Variants in SEC31A observed in about 807,000 individuals in gnomAD.
SEC31A encodes SEC31 homolog A, COPII component.
SEC31A carries 70 observed loss-of-function variants against 151.0 expected under a neutral mutation model. That is an observed-to-expected ratio of 0.46 (90% CI 0.38 to 0.57). The LOEUF is 0.57. Ranked by LOEUF, SEC31A falls within the 20% of genes least tolerant of loss-of-function variation. The pLI is 0.00. For missense variants in SEC31A, 1,330 were observed against 1,471.2 expected (o/e 0.90, Z 1.57); for synonymous variants, 475 against 505.9 (o/e 0.94, Z 0.82).
At position 82,848,931 on chromosome 4, in the gene SEC31A, T is replaced by C. The variant is rs1219646425; in HGVS notation, c.2375A>G (p.Glu792Gly). ...LRDRLCRAQGEPVAGHESPKI... is the reference protein window; with the variant it reads ...LRDRLCRAQGGPVAGHESPKI... ...AGGTGATTCATGTCCTGCTACAGGCTCTCCTTGTGCTCTACAAAGTCTGTC... is the reference window on the plus strand; with the variant it reads ...AGGTGATTCATGTCCTGCTACAGGCCCTCCTTGTGCTCTACAAAGTCTGTC... The change falls in exon 20 of 27, where the codon GAG (glutamate) becomes GGG (glycine). Residue 792 changes from glutamate (E) to glycine (G), a missense_variant. By Grantham distance (98) the Glu-to-Gly change is moderately conservative. Coordinates refer to ENST00000395310, the MANE Select transcript of SEC31A (RefSeq NM_001077207.4). The C allele has an allele frequency of 6.2e-7, 1 of 1,614,016 alleles. No homozygotes were observed. Among genetic ancestry groups the C allele is most frequent in the Non-Finnish European group, 8.5e-7 (1 of 1,180,036 alleles).
In SEC31A at chr4:82,878,802, G is replaced by T; in HGVS notation, c.330C>A (p.Asp110Glu). Residue 110 changes from aspartate (D) to glutamate (E), a missense_variant, in exon 4 of 27, where the codon GAC becomes GAA. By Grantham distance (45) the Asp-to-Glu change is conservative. Coordinates refer to ENST00000395310, the MANE Select transcript of SEC31A (RefSeq NM_001077207.4). ...LYDPSKIIAG[D>E]KEVVIAQNDK... ...CATTCTGGGCAATCACAACTTCCTT[G>T]TCTCCAGCTATAATTTTAGAAGGAT... is the stretch of plus-strand genomic sequence containing the variant. The T allele has an allele frequency of 6.2e-7, 1 of 1,613,944 alleles. No homozygotes were observed.
At chr4:82,877,263 T>C (rs1373892430) in intron 4 of SEC31A, among the ~76,000 whole-genome samples, 2 of 152,000 alleles carry the variant, frequency 1.3e-5, no homozygotes, top group Non-Finnish European at 2.9e-5. Flanking sequence ...AATAAACAAG[T>C]TGGGTTTCTG....
At chr4:82,855,135 A>G in intron 16 of SEC31A, 106 bp from the exon 17 acceptor site, 1 of 928,138 alleles carries the variant, frequency 1.1e-6, no homozygotes, top group Non-Finnish European at 1.5e-6. Flanking sequence ...ATGCAGCAGC[A>G]AAATGAAGTA....
chr4:82,888,679 G>GCT (rs1201712393), intron 1 of SEC31A, among the ~76,000 whole-genome samples: 1 of 148,242 alleles, frequency 6.7e-6, no homozygotes, highest in Non-Finnish European at 1.5e-5. Context: ...ACAGAGCGAG[G>GCT]CTCTGCCTCA....
chr4:82,856,946 A>G lies in SEC31A; in HGVS notation c.1881+6T>C, dbSNP rs778605032. 2.5e-6 allele frequency: 4 copies of G among 1,603,616 alleles called. No individual in the cohort carries two copies. In the Admixed American group the frequency reaches 7.0e-5, roughly 28 times the overall value. ...TACGTTATTGCTTATTTTTAAAATA[A>G]CATACCCTGGTAATTTTGCTTTGGG... On this transcript the variant is annotated splice_donor_region_variant and intron_variant, in intron 16 of 26. Coordinates refer to ENST00000395310, the MANE Select transcript of SEC31A (RefSeq NM_001077207.4).
chr4:82,855,794 T>G (rs1732499987), intron 16 of SEC31A, among the ~76,000 whole-genome samples: 1 of 151,636 alleles, frequency 6.6e-6, no homozygotes, highest in Admixed American at 6.6e-5. Context: ...TATTGGAGGG[T>G]GGGAGGAGAG....
intron 1 of SEC31A, among the ~76,000 whole-genome samples, chr4:82,890,009 C>T (rs1369009852): frequency 6.6e-6 from 1 of 152,062 alleles, no homozygotes; most frequent in Admixed American, 6.6e-5. Flanking sequence ...GGGCGGATCA[C>T]TTGAGGTCAG....
chr4:82,819,119 T>A lies in SEC31A; in HGVS notation c.3618A>T (p.Pro1206=). 2 of 1,612,170 alleles carry A rather than the reference T, an allele frequency of 1.2e-6. No individual in the cohort carries two copies. Among genetic ancestry groups the A allele is most frequent in the Non-Finnish European group, 1.7e-6 (2 of 1,179,088 alleles). Residue 1206 remains proline, a synonymous_variant, in exon 27 of 27, where the codon CCA becomes CCT. Coordinates refer to ENST00000395310, the MANE Select transcript of SEC31A (RefSeq NM_001077207.4). ...SNFSETSAFM[P]VLKVVLTQAN... ...CCTGGGTGAGAACAACTTTGAGAAC[T>A]GGCATGAAAGCAGAGGTCTCACTGA...
At chr4:82,865,700 G>A (rs560758700) in intron 10 of SEC31A, among the ~76,000 whole-genome samples, 1 of 151,954 alleles carries the variant, frequency 6.6e-6, no homozygotes, top group Non-Finnish European at 1.5e-5. Flanking sequence ...GACAAGTACT[G>A]CATGATTCCA....
chr4:82,862,733 G>A (rs1227209956), intron 12 of SEC31A, among the ~76,000 whole-genome samples, 161 bp from the exon 13 acceptor site: 3 of 152,202 alleles, frequency 2.0e-5, no homozygotes, highest in African/African-American at 7.2e-5. Flanking sequence ...GGTTCTCCAT[G>A]GTGCTAGCTT....
At chr4:82,830,727 A>G (rs1258000538) in intron 22 of SEC31A, among the ~76,000 whole-genome samples, 1 of 152,262 alleles carries the variant, frequency 6.6e-6, no homozygotes, top group Admixed American at 6.5e-5. Flanking sequence ...TAAAACAGAC[A>G]GCCTTTATAA....
chr4:82,828,146 C>A (rs1192257173), intron 23 of SEC31A, among the ~76,000 whole-genome samples: 1 of 152,174 alleles, frequency 6.6e-6, no homozygotes. Context: ...AACTCCTGAC[C>A]TTGTGATCTG....
intron 10 of SEC31A, among the ~76,000 whole-genome samples, 189 bp from the exon 11 acceptor site, chr4:82,864,787 T>C (rs1734948422): frequency 6.6e-6 from 1 of 152,048 alleles, no homozygotes; most frequent in African/African-American, 2.4e-5. Context: ...GGTTTTTTTT[T>C]TTTTGAGACA....
In SEC31A at chr4:82,891,115, C is replaced by A; in HGVS notation, c.-32G>T. On this transcript the variant is annotated 5_prime_UTR_variant, in exon 1 of 27. In the 5' UTR this introduces an upstream ATG that the reference lacks. Transcript: ENST00000395310. ...GGCGAGGACCTTCGGCAGCCGGATCCTGCGTTAGTGCAGCGCTCGTCGGAC... is the reference window on the plus strand; with the variant it reads ...GGCGAGGACCTTCGGCAGCCGGATCATGCGTTAGTGCAGCGCTCGTCGGAC... 2 of 1,535,998 alleles carry A rather than the reference C, an allele frequency of 1.3e-6. No individual in the cohort carries two copies. The highest frequency in any genetic ancestry group is 1.7e-6 in the Non-Finnish European group (2 of 1,146,784).
At chr4:82,881,502 A>G (rs147428359) in intron 2 of SEC31A, among the ~76,000 whole-genome samples, 82 of 152,170 alleles carry the variant, frequency 5.4e-4, no homozygotes, top group Admixed American at 9.8e-4. Context: ...ATATCTGCTT[A>G]TAGACATATA....
At chr4:82,823,846 G>A (rs933361167) in intron 25 of SEC31A, among the ~76,000 whole-genome samples, 3 of 152,206 alleles carry the variant, frequency 2.0e-5, no homozygotes, top group Non-Finnish European at 4.4e-5. Flanking sequence ...GCACCATTAT[G>A]CTCCATTTAT....
intron 11 of SEC31A, among the ~76,000 whole-genome samples, chr4:82,863,670 T>A (rs1479111198): frequency 6.6e-6 from 1 of 152,118 alleles, no homozygotes; most frequent in Non-Finnish European, 1.5e-5. Context: ...CCTGGTTGAA[T>A]AAAGCTTACT....
upstream of SEC31A, chr4:82,892,865 G>A (rs1020748): frequency 0.68 from 103,383 of 151,976 alleles, 37,515 homozygotes; most frequent in Non-Finnish European, 0.8. Context: ...GTGGTCACTG[G>A]TATTTATGCA....
At chr4:82,891,330 C>CG (rs1719732351), upstream of SEC31A, 1 of 743,300 alleles carries the variant, frequency 1.3e-6, no homozygotes, top group Admixed American at 2.7e-5. Context: ...AGGCGGGGTA[C>CG]GGCTCCGCTG....
Sources: allele counts gnomAD v4.1 joint callset (sites outside exome capture counted in the v4.1 genomes callset), GRCh38; gene constraint gnomAD v4.1.1; transcripts MANE v1.5; gene names NCBI Gene and HGNC (gene_info 2026-07-23, HGNC 2026-07-21).